Variants in IFT122 observed in about 807,000 individuals in gnomAD.
The protein encoded by IFT122 is intraflagellar transport 122.
IFT122 carries 118 observed loss-of-function variants against 161.6 expected under a neutral mutation model. The observed-to-expected ratio is 0.73, with a 90% CI of 0.63 to 0.85. The LOEUF (loss-of-function observed/expected upper bound fraction) is 0.85. Among genes scored for constraint, IFT122 ranks in the 40% least tolerant of loss-of-function variants. The pLI is 0.00. For synonymous variants in IFT122, 550 were observed against 602.4 expected (o/e 0.91, Z 1.27); for missense variants, 1,381 against 1,579.6 (o/e 0.87, Z 2.13).
At chr3:129,505,435 T>C (rs954396858) in intron 21 of IFT122, among the ~76,000 whole-genome samples, 1 of 152,248 alleles carries the variant, frequency 6.6e-6, no homozygotes, top group African/African-American at 2.4e-5. Context: ...CATTCTCTGC[T>C]GCTTCAGCAT....
intron 9 of IFT122, among the ~76,000 whole-genome samples, chr3:129,470,289 A>G: frequency 6.6e-6 from 1 of 151,890 alleles, no homozygotes. Context: ...TTCGAGATGG[A>G]GTCTCACTCT....
intron 1 of IFT122, among the ~76,000 whole-genome samples, chr3:129,444,591 G>A (rs979114737): frequency 2.0e-5 from 3 of 151,504 alleles, no homozygotes; most frequent in Non-Finnish European, 4.4e-5. Flanking sequence ...GCGCAATCTC[G>A]GCTCACTGCA....
intron 8 of IFT122, 37 bp from the exon 9 acceptor site, chr3:129,469,305 T>C (rs1359239015): frequency 6.5e-7 from 1 of 1,543,100 alleles, no homozygotes; most frequent in Non-Finnish European, 9.0e-7. Context: ...CAGCAGGCTG[T>C]GGCCCTTCAT....
At chr3:129,463,812 A>C (rs2076431296) in intron 6 of IFT122, among the ~76,000 whole-genome samples, 186 bp downstream of exon 6, 1 of 152,196 alleles carries the variant, frequency 6.6e-6, no homozygotes, top group Non-Finnish European at 1.5e-5. Context: ...CATGAAGCAA[A>C]AGAGAACTAC....
chr3:129,462,028 C>A (rs2076262047), intron 5 of IFT122, among the ~76,000 whole-genome samples: 1 of 152,152 alleles, frequency 6.6e-6, no homozygotes, highest in Non-Finnish European at 1.5e-5. Flanking sequence ...AGGCCTAATC[C>A]CTCTCAGTGT....
intron 18 of IFT122, among the ~76,000 whole-genome samples, chr3:129,496,775 C>A (rs1225123800): frequency 6.6e-6 from 1 of 152,182 alleles, no homozygotes; most frequent in Non-Finnish European, 1.5e-5. Context: ...TCCTCGTCAC[C>A]TTTCCTACCC....
intron 1 of IFT122, among the ~76,000 whole-genome samples, chr3:129,443,604 C>T (rs2073563808): frequency 6.6e-6 from 1 of 152,172 alleles, no homozygotes; most frequent in African/African-American, 2.4e-5. Context: ...TAGGACAGTG[C>T]CATGCACTGT....
chr3:129,475,767 T>C, intron 9 of IFT122, among the ~76,000 whole-genome samples: 1 of 152,116 alleles, frequency 6.6e-6, no homozygotes, highest in East Asian at 1.9e-4. Flanking sequence ...TGAGCCGTAA[T>C]TGCACCACTG....
At position 129,466,931 on chromosome 3, in the gene IFT122, C is replaced by T; in HGVS notation, c.605C>T (p.Ala202Val). Residue 202 changes from alanine (A) to valine (V), a missense_variant, in exon 8 of 30, where the codon GCC becomes GTC. Transcript: ENST00000348417. ...TGGATGAACAGAGAGAATGAGGATGCCGAGGATGTCATTGTCAACAGATAT... is the reference window on the plus strand; with the variant it reads ...TGGATGAACAGAGAGAATGAGGATGTCGAGGATGTCATTGTCAACAGATAT... ...SFWMNRENED[A>V]EDVIVNRYIQ... 1 of 1,614,098 alleles carries T rather than the reference C, an allele frequency of 6.2e-7. No homozygotes were observed. The highest frequency in any genetic ancestry group is 2.2e-5 in the East Asian group (1 of 44,894).
In IFT122 at chr3:129,488,290, C is replaced by T. The variant is rs1183039801; in HGVS notation, c.1885C>T (p.Leu629=). The T allele has an allele frequency of 1.2e-6, 2 of 1,614,022 alleles. No homozygotes were observed. Among genetic ancestry groups the T allele is most frequent in the African/African-American group, 1.3e-5 (1 of 74,930 alleles). Residue 629 remains leucine (L), a synonymous_variant, in exon 16 of 30, where the codon CTG becomes TTG. Coordinates refer to ENST00000348417, the MANE Select transcript of IFT122 (RefSeq NM_052989.3). ...APMYQYLDRK[L]FKEAYQIACL... Reference sequence around the variant, plus strand: ...CATGTACCAGTACCTGGATAGGAAACTGTTCAAGGAAGCCTACCAGATTGC... The same window carrying T: ...CATGTACCAGTACCTGGATAGGAAATTGTTCAAGGAAGCCTACCAGATTGC...
At chr3:129,448,430 C>G (rs2074309774) in intron 1 of IFT122, among the ~76,000 whole-genome samples, 1 of 152,164 alleles carries the variant, frequency 6.6e-6, no homozygotes, top group African/African-American at 2.4e-5. Flanking sequence ...GCATAACTTT[C>G]GAAAAACTGG....
At chr3:129,449,487 T>C (rs527300039) in intron 1 of IFT122, among the ~76,000 whole-genome samples, 1 of 152,388 alleles carries the variant, frequency 6.6e-6, no homozygotes, top group Admixed American at 6.5e-5. Flanking sequence ...TCATATCTGT[T>C]GGTGCCTGGC....
At chr3:129,460,877 T>G (rs188269752) in intron 4 of IFT122, 2 of 1,614,096 alleles carry the variant, frequency 1.2e-6, no homozygotes, top group African/African-American at 2.7e-5. Context: ...ATGTCTTCAT[T>G]GCACCTCCAT....
At chr3:129,445,870 T>C (rs541412481) in intron 1 of IFT122, among the ~76,000 whole-genome samples, 1 of 152,358 alleles carries the variant, frequency 6.6e-6, no homozygotes, top group Admixed American at 6.5e-5. Context: ...GTACTGTCAT[T>C]GAGAGTGTAC....
chr3:129,495,663 C>A (rs1239068439), intron 18 of IFT122, 56 bp downstream of exon 18: 2 of 1,589,524 alleles, frequency 1.3e-6, no homozygotes, highest in Non-Finnish European at 1.7e-6. Context: ...GGTATTCTCA[C>A]GTGCGGTGTC....
intron 29 of IFT122, 88 bp from the exon 30 acceptor site, chr3:129,520,088 C>G: frequency 1.8e-6 from 2 of 1,083,308 alleles, no homozygotes; most frequent in Non-Finnish European, 1.4e-6. Flanking sequence ...CAAGCCCCCT[C>G]CCCTTGAGAG....
At position 129,476,367 on chromosome 3, in the gene IFT122, C is replaced by T. The variant is rs759514160; in HGVS notation, c.869C>T (p.Thr290Ile). Reference sequence around the variant, plus strand: ...GACCCCTGCTGCATCAGCTACTTTACTAAAGGCGAGTACATTTTGCTGGGG... The same window carrying T: ...GACCCCTGCTGCATCAGCTACTTTATTAAAGGCGAGTACATTTTGCTGGGG... ...NFDPCCISYF[T>I]KGEYILLGGS... The change falls in exon 10 of 30, where the codon ACT becomes ATT. Residue 290 changes from threonine (T) to isoleucine (I), a missense_variant. By Grantham distance (89) the Thr-to-Ile change is moderately conservative. Coordinates refer to ENST00000348417, the MANE Select transcript of IFT122 (RefSeq NM_052989.3). The T allele has an allele frequency of 3.7e-6, 6 of 1,614,194 alleles. No homozygotes were observed. The highest frequency in any genetic ancestry group is 5.1e-6 in the Non-Finnish European group (6 of 1,180,040).
chr3:129,457,741 T>C (rs548371992), intron 3 of IFT122, among the ~76,000 whole-genome samples: 1 of 148,078 alleles, frequency 6.8e-6, no homozygotes, highest in Non-Finnish European at 1.5e-5. Flanking sequence ...AGTTTTTTTT[T>C]TTTTTTTTTT....
At chr3:129,468,692 G>A (rs557958999) in intron 8 of IFT122, among the ~76,000 whole-genome samples, 3 of 152,294 alleles carry the variant, frequency 2.0e-5, no homozygotes, top group African/African-American at 7.2e-5. Flanking sequence ...CCAGCCTCAG[G>A]CAAGGGAGTT....
Sources: allele counts gnomAD v4.1 joint callset (sites outside exome capture counted in the v4.1 genomes callset), GRCh38; gene constraint gnomAD v4.1.1; transcripts MANE v1.5; gene names NCBI Gene and HGNC (gene_info 2026-07-23, HGNC 2026-07-21).